Variants in DROSHA observed in about 807,000 individuals in gnomAD.
DROSHA encodes the protein drosha ribonuclease III.
DROSHA carries 56 observed loss-of-function variants against 181.9 expected under a neutral mutation model. The observed-to-expected ratio is 0.31, with a 90% confidence interval of 0.25 to 0.38. The LOEUF is 0.38. Ranked by LOEUF, DROSHA falls within the 10% of genes least tolerant of loss-of-function variation. DROSHA has a pLI of 1.00. For missense variants in DROSHA, 1,218 were observed against 1,743.5 expected, an observed-to-expected ratio of 0.70 and a Z score of 5.37; for synonymous variants, 524 against 591.2, an observed-to-expected ratio of 0.89 and a Z score of 1.65.
intron 35 of DROSHA, among the ~76,000 whole-genome samples, chr5:31,402,337 T>C (rs2149981573): frequency 6.6e-6 from 1 of 152,344 alleles, no homozygotes; most frequent in Non-Finnish European, 1.5e-5. Context: ...TGGTTTCATT[T>C]ACACATGATC....
rs74582937 is a variant in DROSHA, at chr5:31,507,458, C to CAAAAAA, written c.1587+1157_1587+1162dup. Reference sequence around the variant, plus strand: ...AGGCAATAAGAGCGAAACTCTGTCTCAAAAAAAAAAAAAAAACTAGCCAGG... The same window carrying CAAAAAA: ...AGGCAATAAGAGCGAAACTCTGTCTCAAAAAAAAAAAAAAAAAAAAAACTAGCCAGG... On this transcript the variant is annotated intron_variant, in intron 10 of 35. Transcript: ENST00000344624. Among the ~76,000 whole-genome samples the CAAAAAA allele has an allele frequency of 1.2e-4, 15 of 122,764 alleles. 2 individuals are homozygous for CAAAAAA. Among genetic ancestry groups the CAAAAAA allele is most frequent in the Admixed American group, 1.7e-4 (2 of 11,704 alleles). 80.5% of individuals were successfully genotyped at this position (122,764 alleles called of 152,430 possible).
Position 31,470,862 on chromosome 5 carries a change from C to T in DROSHA, c.2241+1201G>A, listed in dbSNP as rs1482929119. 6.6e-6 allele frequency among the ~76,000 whole-genome samples: 1 copy of T among 152,148 alleles called. No homozygotes were observed. The highest frequency in any genetic ancestry group is 1.5e-5 in the Non-Finnish European group (1 of 68,032). ...AGCTGAAACTGGACATCTGCCACCA[C>T]CACCGCCCCATCCTCTGACTCAGCA... On this transcript the variant is annotated intron_variant, in intron 17 of 35. Transcript: ENST00000344624. The surrounding 1 kb of genome is among the most constrained non-coding windows in gnomAD (Gnocchi z 4.0).
chr5:31,520,706 A>G (rs928095447), intron 6 of DROSHA, among the ~76,000 whole-genome samples: 3 of 152,202 alleles, frequency 2.0e-5, no homozygotes, highest in Admixed American at 6.5e-5. Flanking sequence ...TTACTTCGGG[A>G]TATAGAATTG....
chr5:31,459,298 C>T (rs893716127), intron 20 of DROSHA, among the ~76,000 whole-genome samples: 2 of 151,326 alleles, frequency 1.3e-5, no homozygotes, highest in African/African-American at 2.4e-5. Flanking sequence ...GAGGCTGAAG[C>T]AGGAGGGTTG....
intron 13 of DROSHA, among the ~76,000 whole-genome samples, chr5:31,492,490 A>G (rs191551779): frequency 2.0e-5 from 3 of 152,374 alleles, no homozygotes; most frequent in Admixed American, 2.0e-4. Flanking sequence ...TGATGTGGAT[A>G]TACAATAGCT....
chr5:31,512,684 C>A (rs1168437450), intron 8 of DROSHA, among the ~76,000 whole-genome samples: 2 of 152,166 alleles, frequency 1.3e-5, no homozygotes, highest in East Asian at 1.9e-4. Context: ...CCTTTGCCAA[C>A]AGGGGTCAGA....
chr5:31,458,419 AG>A (rs1247154603), intron 20 of DROSHA, among the ~76,000 whole-genome samples: 1 of 152,214 alleles, frequency 6.6e-6, no homozygotes, highest in East Asian at 1.9e-4. Context: ...TCTTCATCTC[AG>A]GGTAATCAAA....
intron 13 of DROSHA, among the ~76,000 whole-genome samples, chr5:31,488,134 G>A (rs193189395): frequency 1.3e-5 from 2 of 152,132 alleles, no homozygotes; most frequent in East Asian, 3.9e-4. Context: ...AGATGAGGAG[G>A]GGCCGGGCAC....
chr5:31,475,301 A>G (rs920224295), intron 16 of DROSHA, among the ~76,000 whole-genome samples: 2 of 152,172 alleles, frequency 1.3e-5, no homozygotes, highest in African/African-American at 4.8e-5. Flanking sequence ...CTGGAGAACA[A>G]AGTAAGACCC....
rs1319095161 is a variant in DROSHA, at chr5:31,492,444, G to A, written c.1842+763C>T. ...TTTCAAATTGCAGATGTAATTTCAC[G>A]TAACCAAACCAGAAGAGGTTAAAGA... On this transcript the variant is annotated intron_variant, in intron 13 of 35. Coordinates refer to ENST00000344624, the MANE Select transcript of DROSHA (RefSeq NM_001382508.1). 3.9e-5 allele frequency among the ~76,000 whole-genome samples: 6 copies of A among 152,282 alleles called. No individual in the cohort carries two copies. The East Asian group carries it at 9.7e-4, about 25-fold the overall frequency.
chr5:31,408,199 G>T (rs1740879524), intron 33 of DROSHA, among the ~76,000 whole-genome samples: 1 of 152,156 alleles, frequency 6.6e-6, no homozygotes, highest in African/African-American at 2.4e-5. Context: ...ATTTGAGAAA[G>T]TCCAAAGGGG....
rs1343803018 is a variant in DROSHA at position 31,521,010 on chromosome 5, T to C, written c.947+113A>G. ...CTGCTTTAGCTTTTCACAGGTCATC[T>C]TGGACAGACTCTGAGGCCATTATGA... On this transcript the variant is annotated intron_variant, in intron 6 of 35. Coordinates refer to ENST00000344624, the MANE Select transcript of DROSHA (RefSeq NM_001382508.1). The C allele has an allele frequency of 1.0e-5, 10 of 995,342 alleles. No homozygotes were observed. The South Asian group carries it at 1.2e-4, about 12-fold the overall frequency. The allele number at this position is 995,342 out of a possible 1,614,324, so 61.7% of individuals were successfully genotyped here.
chr5:31,502,653 C>T (rs905167320), intron 11 of DROSHA, among the ~76,000 whole-genome samples: 8 of 152,246 alleles, frequency 5.3e-5, no homozygotes, highest in African/African-American at 1.9e-4. Flanking sequence ...ATCCCCACAG[C>T]TCCACCACTG....
In DROSHA at chr5:31,482,623, G is replaced by A. The variant is rs984002351; in HGVS notation, c.2071+931C>T. 3.3e-5 allele frequency among the ~76,000 whole-genome samples: 5 copies of A among 152,084 alleles called. No homozygotes were observed. The East Asian group carries it at 7.7e-4, about 23-fold the overall frequency. The stretch of plus-strand genomic sequence containing the variant: ...TAATTATATAGCTCAGGGTAGAATG[G>A]TAAGTGAAGTTCACCAGGCTGGTAA... On this transcript the variant is annotated intron_variant, in intron 16 of 35. Transcript: ENST00000344624.
At chr5:31,405,766 T>TTTA in intron 34 of DROSHA, 43 bp from the exon 35 acceptor site, 4 of 895,856 alleles carry the variant, frequency 4.5e-6, no homozygotes, top group Non-Finnish European at 6.3e-6. Flanking sequence ...ATTTCAAGAT[T>TTTA]CTTTTTTTTT....
intron 20 of DROSHA, among the ~76,000 whole-genome samples, chr5:31,458,907 T>G (rs1166296357): frequency 6.6e-6 from 1 of 152,158 alleles, no homozygotes; most frequent in Admixed American, 6.5e-5. Context: ...TCAGCAAAAC[T>G]CAGACTACAC....
intron 10 of DROSHA, among the ~76,000 whole-genome samples, chr5:31,505,259 G>A (rs76509030): frequency 0.027 from 4,125 of 152,190 alleles, 186 homozygotes; most frequent in African/African-American, 0.095. Context: ...AAAGAGCACC[G>A]GGTCCGTGTG....
At chr5:31,515,933 C>A (rs567059698) in intron 6 of DROSHA, among the ~76,000 whole-genome samples, 21 of 152,276 alleles carry the variant, frequency 1.4e-4, no homozygotes, top group Non-Finnish European at 1.2e-4. Context: ...CTGCAAAGAC[C>A]CATCCTATGG....
intron 5 of DROSHA, among the ~76,000 whole-genome samples, 200 bp from the exon 6 acceptor site, chr5:31,521,415 A>G (rs1319427562): frequency 2.0e-5 from 3 of 152,222 alleles, no homozygotes; most frequent in African/African-American, 7.2e-5. Context: ...ACTAACTTGG[A>G]GAATTTTTGC....
Sources: gnomAD v4.1 joint callset for allele counts (sites outside exome capture counted in the v4.1 genomes callset) on GRCh38, gnomAD v4.1.1 for gene constraint, Gnocchi (gnomAD v3.1) non-coding constraint, MANE v1.5 for transcripts, NCBI Gene and HGNC (gene_info 2026-07-23, HGNC 2026-07-21) for gene names.